Variants in PAX8 observed in about 807,000 individuals in gnomAD.
PAX8 encodes the protein paired box 8.
A neutral mutation model predicts 52.4 loss-of-function variants in PAX8; 15 were observed. The observed-to-expected ratio is 0.29, with a 90% CI of 0.19 to 0.44. PAX8 has a LOEUF of 0.44. Among genes scored for constraint, PAX8 ranks in the 20% least tolerant of loss-of-function variants. The pLI is 1.00. For missense variants in PAX8, 554 were observed against 602.5 expected, an observed-to-expected ratio of 0.92 and a Z score of 0.84; for synonymous variants, 284 against 249.7, an observed-to-expected ratio of 1.14 and a Z score of -1.29.
At chr2:113,236,940 G>A in intron 7 of PAX8, 1 of 583,048 alleles carries the variant, frequency 1.7e-6, no homozygotes, top group Non-Finnish European at 3.0e-6. Flanking sequence ...GGTAGCATGG[G>A]TGCCCAGACG....
At chr2:113,278,243 C>CTGGGTCCCCACGCGGG in intron 2 of PAX8, 127 bp downstream of exon 2, 3 of 746,632 alleles carry the variant, frequency 4.0e-6, no homozygotes, top group African/African-American at 1.8e-5. Flanking sequence ...GGCGCCCCAG[C>CTGGGTCCCCACGCGGG]TGGGTCCCCA....
chr2:113,256,480 A>G (rs773781463), intron 2 of PAX8, among the ~76,000 whole-genome samples: 5 of 152,192 alleles, frequency 3.3e-5, no homozygotes, highest in African/African-American at 4.8e-5. Context: ...AGCCACATAC[A>G]ACAACAAGAA....
At position 113,220,316 on chromosome 2, in the gene PAX8, A is replaced by G. The variant is rs1331002348; in HGVS notation, c.1190-138T>C. 14 of 677,170 alleles carry G rather than the reference A, an allele frequency of 2.1e-5. No individual in the cohort carries two copies. The Admixed American group carries it at 3.0e-4, about 14-fold the overall frequency. The allele number at this position is 677,170 out of a possible 1,614,324, so 41.9% of individuals were successfully genotyped here. On this transcript the variant is annotated intron_variant, in intron 10 of 11. Coordinates refer to ENST00000429538, the MANE Select transcript of PAX8 (RefSeq NM_003466.4). ...GACAGTTGGAGCCACGGCAGGGACA[A>G]TGGAGCTCAGAAGGTCCCTCTGTCA...
At chr2:113,245,964 C>T (rs531908035) in intron 3 of PAX8, among the ~76,000 whole-genome samples, 3 of 152,316 alleles carry the variant, frequency 2.0e-5, no homozygotes, top group South Asian at 2.1e-4. Flanking sequence ...GACAGGCACA[C>T]GTACACAGAG....
At chr2:113,274,207 C>A (rs1693654184) in intron 2 of PAX8, 1 of 152,134 alleles carries the variant, frequency 6.6e-6, no homozygotes, top group Non-Finnish European at 1.5e-5. Flanking sequence ...TCCCAGAGCA[C>A]AATGTGCGTT....
chr2:113,260,443 A>G (rs1001961449), intron 2 of PAX8, among the ~76,000 whole-genome samples: 12 of 151,956 alleles, frequency 7.9e-5, no homozygotes, highest in African/African-American at 2.7e-4. Context: ...TCAAAGTTAT[A>G]ATACTATAAA....
intron 9 of PAX8, among the ~76,000 whole-genome samples, chr2:113,228,240 G>T (rs1178474371): frequency 6.6e-6 from 1 of 152,188 alleles, no homozygotes. Flanking sequence ...GCCCCAATCA[G>T]ATTCTCCTTC....
At position 113,216,653 on chromosome 2, in the gene PAX8, G is replaced by A. The variant is rs547290673; in HGVS notation, c.*1880C>T. The A allele has an allele frequency of 4.5e-4, 101 of 226,726 alleles. 1 individual carries two copies. Among genetic ancestry groups the A allele is most frequent in the African/African-American group, 2.2e-3 (97 of 45,044 alleles). The allele number at this position is 226,726 out of a possible 1,614,324, so 14.0% of individuals were successfully genotyped here. A position where few individuals can be genotyped will look rare whatever the true frequency, so the allele number is the denominator to read the frequency against. ...CTACAGCCTCCCTCACCTTGTCCTG[G>A]CCACACTACACTCTACCTCTCCATT... On this transcript the variant is annotated 3_prime_UTR_variant, in exon 12 of 12. Transcript: ENST00000429538.
chr2:113,264,988 T>C (rs1692952712), intron 2 of PAX8, among the ~76,000 whole-genome samples: 1 of 152,216 alleles, frequency 6.6e-6, no homozygotes, highest in Admixed American at 6.5e-5. Flanking sequence ...CTTCTCGGAT[T>C]GTACATCAGC....
At chr2:113,244,747 C>T in intron 3 of PAX8, 123 bp from the exon 4 acceptor site, 3 of 896,102 alleles carry the variant, frequency 3.3e-6, no homozygotes, top group Non-Finnish European at 5.5e-6. Flanking sequence ...TGAAATGTGC[C>T]TCCAAGGCTG....
At chr2:113,235,247 T>G in intron 9 of PAX8, 147 bp downstream of exon 9, 2 of 657,592 alleles carry the variant, frequency 3.0e-6, no homozygotes, top group South Asian at 3.9e-5. Flanking sequence ...AACTTCATGT[T>G]GGCGCCTCCA....
intron 3 of PAX8, among the ~76,000 whole-genome samples, chr2:113,244,914 C>T (rs533571345): frequency 6.6e-6 from 1 of 152,292 alleles, no homozygotes; most frequent in East Asian, 1.9e-4. Flanking sequence ...CTGCAACAGC[C>T]ATTGTATGGG....
At chr2:113,235,807 C>A (rs1029031621) in intron 8 of PAX8, 1 of 545,974 alleles carries the variant, frequency 1.8e-6, no homozygotes, top group African/African-American at 1.9e-5. Context: ...ATGGAGAGAC[C>A]CGGAAGGCGT....
At chr2:113,263,787 G>A (rs550825660) in intron 2 of PAX8, among the ~76,000 whole-genome samples, 4 of 152,158 alleles carry the variant, frequency 2.6e-5, no homozygotes, top group Admixed American at 1.3e-4. Flanking sequence ...GTAGATCAGT[G>A]TTTCTTAAAT....
intron 2 of PAX8, among the ~76,000 whole-genome samples, chr2:113,255,805 G>A (rs1285035890): frequency 6.6e-6 from 1 of 152,164 alleles, no homozygotes; most frequent in East Asian, 1.9e-4. Flanking sequence ...GCTCTGTTGG[G>A]AAGATGTTAA....
At position 113,220,170 on chromosome 2, in the gene PAX8, A is replaced by G. The variant is rs759042964; in HGVS notation, c.1198T>C (p.Tyr400His). 5 of 1,613,520 alleles carry G rather than the reference A, an allele frequency of 3.1e-6. No homozygotes were observed. In the South Asian group the frequency reaches 3.3e-5, roughly 11 times the overall value. ...AIAGMVAGSE[Y>H]SGNAYGHTPY... ...GTGTGGCCATAGGCATTGCCAGAGT[A>G]TTCACTTCCTGTTGGAGGCACACAG... The change falls in exon 11 of 12, where the codon TAC (tyrosine) becomes CAC (histidine). Residue 400 changes from tyrosine (Y) to histidine (H), a missense_variant. Physicochemically the swap from Tyr to His is moderately conservative, Grantham distance 83. Transcript: ENST00000429538.
chr2:113,235,806 C>G (rs1376259327), intron 8 of PAX8: 1 of 547,734 alleles, frequency 1.8e-6, no homozygotes, highest in South Asian at 2.4e-5. Context: ...AATGGAGAGA[C>G]CCGGAAGGCG....
At chr2:113,218,752 C>A in intron 11 of PAX8, 143 bp from the exon 12 acceptor site, 2 of 578,136 alleles carry the variant, frequency 3.5e-6, no homozygotes, top group Non-Finnish European at 6.1e-6. Flanking sequence ...CGAAGATTAA[C>A]TCCTCTCCAG....
At position 113,220,192 on chromosome 2, in the gene PAX8, A is replaced by T. The variant is rs755745165; in HGVS notation, c.1190-14T>A. 1 of 1,605,442 alleles carries T rather than the reference A, an allele frequency of 6.2e-7. No homozygotes were observed. The highest frequency in any genetic ancestry group is 1.7e-5 in the Admixed American group (1 of 59,964). On this transcript the variant is annotated splice_polypyrimidine_tract_variant and intron_variant, in intron 10 of 11. Transcript: ENST00000429538. Reference sequence around the variant, plus strand: ...AGTATTCACTTCCTGTTGGAGGCACACAGGGGAGAGGCCTGTGAGGTGAAG... The same window carrying T: ...AGTATTCACTTCCTGTTGGAGGCACTCAGGGGAGAGGCCTGTGAGGTGAAG...
Sources: gnomAD v4.1 joint callset for allele counts (sites outside exome capture counted in the v4.1 genomes callset) on GRCh38, gnomAD v4.1.1 for gene constraint, MANE v1.5 for transcripts, NCBI Gene and HGNC (gene_info 2026-07-23, HGNC 2026-07-21) for gene names.